The following GSE1 variants were observed in gnomAD, a reference collection of about 807,000 sequenced individuals.
GSE1 encodes genetic suppressor element 1.
A neutral mutation model predicts 112.6 loss-of-function variants in GSE1; 32 were observed. The observed-to-expected ratio is 0.28, with a 90% CI of 0.21 to 0.38. GSE1 has a LOEUF of 0.38. Among genes scored for constraint, GSE1 ranks in the 10% least tolerant of loss-of-function variants. The pLI is 1.00. For missense variants in GSE1, 2,348 were observed against 1,699.2 expected (o/e 1.38, Z -6.71); for synonymous variants, 1,115 against 735.6 (o/e 1.52, Z -8.35).
chr16:85,625,095 G>A (rs987408270), intron 1 of GSE1, among the ~76,000 whole-genome samples: 1 of 152,164 alleles, frequency 6.6e-6, no homozygotes, highest in African/African-American at 2.4e-5. Flanking sequence ...TTGACTCAGG[G>A]CCCCGCCCTC....
chr16:85,629,130 TC>T (rs1474423394), intron 1 of GSE1, among the ~76,000 whole-genome samples: 1 of 152,320 alleles, frequency 6.6e-6, no homozygotes, highest in Non-Finnish European at 1.5e-5. Context: ...ATTAGAAGCC[TC>T]CTGAGGCCTC....
At chr16:85,215,439 CACCTTAGATACAGTGTACGCT>C (rs2075292434) in intron 1 of GSE1, among the ~76,000 whole-genome samples, 1 of 152,160 alleles carries the variant, frequency 6.6e-6, no homozygotes, top group Admixed American at 6.5e-5. Context: ...ATAAAAACTA[CACCTTAGATACAGTGTACGCT>C]ACCCAGTTGG....
chr16:85,525,922 C>T (rs1004674144), intron 2 of GSE1, among the ~76,000 whole-genome samples: 2 of 152,196 alleles, frequency 1.3e-5, no homozygotes, highest in Non-Finnish European at 2.9e-5. Context: ...TCCAGCCTCC[C>T]ATCAGCCTTT....
intron 2 of GSE1, among the ~76,000 whole-genome samples, chr16:85,393,482 C>G (rs770163091): frequency 6.6e-6 from 1 of 152,250 alleles, no homozygotes; most frequent in Non-Finnish European, 1.5e-5. Context: ...ACCCAGCACA[C>G]AGTAGGTGCC....
intron 1 of GSE1, among the ~76,000 whole-genome samples, chr16:85,211,165 C>T (rs546548907): frequency 1.2e-4 from 18 of 152,288 alleles, no homozygotes; most frequent in Admixed American, 3.3e-4. Flanking sequence ...GTTTGGATCC[C>T]GACACCACCC....
At chr16:85,229,024 C>T (rs1380053520) in intron 1 of GSE1, among the ~76,000 whole-genome samples, 3 of 152,222 alleles carry the variant, frequency 2.0e-5, no homozygotes, top group Non-Finnish European at 4.4e-5. Context: ...ACGCTGGGCC[C>T]GTGGGAGGGT....
intron 2 of GSE1, among the ~76,000 whole-genome samples, chr16:85,645,234 C>T (rs1289327987): frequency 1.3e-5 from 2 of 152,094 alleles, no homozygotes; most frequent in Non-Finnish European, 2.9e-5. Flanking sequence ...GGCAGCAGCC[C>T]TCAGCCTCAT....
chr16:85,593,043 G>A (rs992180020), intron 1 of GSE1: 5 of 152,284 alleles, frequency 3.3e-5, no homozygotes, highest in Non-Finnish European at 7.3e-5. Context: ...TAAAGCTGCA[G>A]GGAAGTGAAG....
At chr16:85,519,699 A>G in intron 2 of GSE1, among the ~76,000 whole-genome samples, 1 of 89,158 alleles carries the variant, frequency 1.1e-5, no homozygotes, top group African/African-American at 4.1e-5. Flanking sequence ...CCATCACCAC[A>G]GTCTCCATCA....
At chr16:85,432,841 C>T (rs1366146690) in intron 2 of GSE1, among the ~76,000 whole-genome samples, 4 of 152,020 alleles carry the variant, frequency 2.6e-5, no homozygotes, top group South Asian at 2.1e-4. Flanking sequence ...ATTTGAACCT[C>T]GGTCTGTCTG....
intron 11 of GSE1, chr16:85,664,766 G>A (rs2052700556): frequency 7.1e-6 from 3 of 420,994 alleles, no homozygotes; most frequent in Non-Finnish European, 1.3e-5. Context: ...ATTCACAGAG[G>A]CGTCGTCACC....
chr16:85,551,990 C>A (rs996430289), upstream of GSE1, among the ~76,000 whole-genome samples: 5 of 152,328 alleles, frequency 3.3e-5, no homozygotes, highest in African/African-American at 1.2e-4. Flanking sequence ...GCTCTCCAAG[C>A]CCCTGCTTCG....
chr16:85,663,968 C>G (rs2052635330), intron 11 of GSE1, among the ~76,000 whole-genome samples: 1 of 152,256 alleles, frequency 6.6e-6, no homozygotes, highest in Middle Eastern at 3.2e-3. Context: ...CAGGCTTTTC[C>G]TCTTGCTGGA....
At chr16:85,627,193 G>A (rs2049155629) in intron 1 of GSE1, among the ~76,000 whole-genome samples, 1 of 150,008 alleles carries the variant, frequency 6.7e-6, no homozygotes, top group African/African-American at 2.5e-5. Context: ...TCACCCGGGG[G>A]CGGTGGTCTT....
chr16:85,525,664 C>A, intron 2 of GSE1, among the ~76,000 whole-genome samples: 1 of 152,214 alleles, frequency 6.6e-6, no homozygotes, highest in Non-Finnish European at 1.5e-5. Context: ...TCCATTTGTC[C>A]CTCAGGGGGC....
At chr16:85,626,855 A>C (rs887594874) in intron 1 of GSE1, among the ~76,000 whole-genome samples, 2 of 151,888 alleles carry the variant, frequency 1.3e-5, no homozygotes, top group African/African-American at 4.8e-5. Flanking sequence ...ATGGGACACC[A>C]TATTTAATGG....
At chr16:85,571,182 C>G (rs1387212165) in intron 1 of GSE1, among the ~76,000 whole-genome samples, 2 of 152,170 alleles carry the variant, frequency 1.3e-5, no homozygotes, top group Non-Finnish European at 2.9e-5. Flanking sequence ...GAACTTCCCT[C>G]CCTTGAGCCC....
intron 1 of GSE1, among the ~76,000 whole-genome samples, chr16:85,339,354 C>G (rs556628800): frequency 6.6e-6 from 1 of 152,120 alleles, no homozygotes; most frequent in Non-Finnish European, 1.5e-5. Context: ...GGGCTGTGCT[C>G]GCTCCAGCCG....
chr16:85,357,624 A>G, exon 2 of GSE1: 1 of 1,288,954 alleles, frequency 7.8e-7, no homozygotes, highest in Non-Finnish European at 1.0e-6. Flanking sequence ...AGGAGGACGG[A>G]CCAGACCTTA....
Sources: allele counts gnomAD v4.1 joint callset (sites outside exome capture counted in the v4.1 genomes callset), GRCh38; gene constraint gnomAD v4.1.1; transcripts MANE v1.5; gene names NCBI Gene and HGNC (gene_info 2026-07-23, HGNC 2026-07-21).